Variants in SLC39A8 observed in about 807,000 individuals in gnomAD.
SLC39A8 encodes solute carrier family 39 member 8.
In SLC39A8, 15 loss-of-function variants were observed where a neutral mutation model predicts 40.4. The ratio of observed to expected loss-of-function variants is 0.37; its 90% confidence interval spans 0.25 to 0.57. SLC39A8 has a LOEUF of 0.57. Among genes scored for constraint, SLC39A8 ranks in the 20% least tolerant of loss-of-function variants. The probability of loss-of-function intolerance (pLI) is 0.75; values close to 1 mark genes in which losing one functional copy is unlikely to be tolerated. For missense variants in SLC39A8, 472 were observed against 558.8 expected, an observed-to-expected ratio of 0.84 and a Z score of 1.57; for synonymous variants, 223 against 221.6, an observed-to-expected ratio of 1.01 and a Z score of -0.06.
At chr4:102,304,745 C>A (rs1366657780) in intron 5 of SLC39A8, among the ~76,000 whole-genome samples, 1 of 151,308 alleles carries the variant, frequency 6.6e-6, no homozygotes. Context: ...TTATGCACAT[C>A]TGTTATTCAA....
intron 8 of SLC39A8, among the ~76,000 whole-genome samples, chr4:102,265,177 T>C (rs980357356): frequency 1.3e-5 from 2 of 152,138 alleles, no homozygotes; most frequent in African/African-American, 4.8e-5. Flanking sequence ...AGGCCTTTGA[T>C]TTAATATGAT....
In SLC39A8 at chr4:102,305,127, G is replaced by C; in HGVS notation, c.553-16C>G. On this transcript the variant is annotated splice_polypyrimidine_tract_variant and intron_variant, in intron 4 of 8. Transcript: ENST00000356736. The stretch of plus-strand genomic sequence containing the variant: ...ATCCAAATGCCTAAGGGAGAAAAAA[G>C]GGCAATTCAAGTAAAACCAAGAAAT... 4 of 1,597,164 alleles carry C rather than the reference G, an allele frequency of 2.5e-6. No individual in the cohort carries two copies. Among genetic ancestry groups the C allele is most frequent in the Non-Finnish European group, 3.4e-6 (4 of 1,174,430 alleles).
chr4:102,305,205 A>G, intron 4 of SLC39A8, 94 bp from the exon 5 acceptor site: 1 of 1,290,584 alleles, frequency 7.7e-7, no homozygotes, highest in Non-Finnish European at 1.1e-6. Flanking sequence ...CCAATGTTCT[A>G]AGTCTCTCTT....
chr4:102,345,257 G>T (rs1736126198), intron 1 of SLC39A8, 88 bp downstream of exon 1: 1 of 152,552 alleles, frequency 6.6e-6, no homozygotes, highest in South Asian at 2.1e-4. Context: ...CGGAGTCCTG[G>T]GGATTGCGCG....
chr4:102,255,345 C>A (rs181743411), intron 11 of SLC39A8, among the ~76,000 whole-genome samples: 3 of 152,198 alleles, frequency 2.0e-5, no homozygotes, highest in African/African-American at 7.2e-5. Context: ...ATTGAAGGAA[C>A]TAAAGAAAAA....
intron 6 of SLC39A8, among the ~76,000 whole-genome samples, chr4:102,272,260 C>T (rs547733744): frequency 3.3e-5 from 5 of 151,922 alleles, no homozygotes; most frequent in South Asian, 2.1e-4. Context: ...GGTGAAACCC[C>T]GTCTCTACTA....
chr4:102,304,558 G>T, intron 5 of SLC39A8, 77 bp from the exon 6 acceptor site: 4 of 1,203,802 alleles, frequency 3.3e-6, no homozygotes, highest in Admixed American at 4.9e-5. Context: ...AGAGTTTACT[G>T]CTTTTTATTT....
chr4:102,289,968 AAAG>A (rs1328007614), intron 6 of SLC39A8, among the ~76,000 whole-genome samples: 2 of 152,174 alleles, frequency 1.3e-5, no homozygotes, highest in African/African-American at 4.8e-5. Flanking sequence ...TCCAATGTGG[AAAG>A]AAGTTCTACT....
intron 3 of SLC39A8, among the ~76,000 whole-genome samples, chr4:102,312,903 C>T (rs887049247): frequency 2.6e-5 from 4 of 152,082 alleles, no homozygotes; most frequent in African/African-American, 7.2e-5. Context: ...AGAGTCTGTG[C>T]TTTTACTGTG....
intron 2 of SLC39A8, among the ~76,000 whole-genome samples, chr4:102,330,416 A>G (rs1028891835): frequency 6.6e-6 from 1 of 152,236 alleles, no homozygotes; most frequent in Non-Finnish European, 1.5e-5. Context: ...AAACTTGAAA[A>G]TAAAGAAGAA....
chr4:102,327,400 G>A (rs1463149909), intron 2 of SLC39A8, among the ~76,000 whole-genome samples: 1 of 152,064 alleles, frequency 6.6e-6, no homozygotes, highest in African/African-American at 2.4e-5. Flanking sequence ...GTTATAATCA[G>A]CCTTATATTG....
chr4:102,269,952 G>A (rs1732271195), intron 6 of SLC39A8, among the ~76,000 whole-genome samples: 1 of 152,126 alleles, frequency 6.6e-6, no homozygotes, highest in Non-Finnish European at 1.5e-5. Context: ...TAGCACAGGT[G>A]GATCGGGTAG....
At chr4:102,300,110 A>G (rs1429458779) in intron 6 of SLC39A8, among the ~76,000 whole-genome samples, 1 of 151,780 alleles carries the variant, frequency 6.6e-6, no homozygotes, top group Non-Finnish European at 1.5e-5. Flanking sequence ...CCCCTCTGTG[A>G]CCCCCACTTT....
At chr4:102,269,399 AT>A (rs1160408131) in intron 6 of SLC39A8, among the ~76,000 whole-genome samples, 1 of 152,180 alleles carries the variant, frequency 6.6e-6, no homozygotes, top group South Asian at 2.1e-4. Flanking sequence ...TGGAGCAAAT[AT>A]TTTTTTAATT....
chr4:102,342,809 G>A (rs1560574859), intron 2 of SLC39A8, among the ~76,000 whole-genome samples: 1 of 152,106 alleles, frequency 6.6e-6, no homozygotes, highest in Non-Finnish European at 1.5e-5. Flanking sequence ...GGTGATGTGG[G>A]GAGGTCTTTT....
chr4:102,302,875 A>T (rs2149032039), intron 6 of SLC39A8, among the ~76,000 whole-genome samples: 1 of 152,158 alleles, frequency 6.6e-6, no homozygotes, highest in Non-Finnish European at 1.5e-5. Context: ...GAACATTTCC[A>T]GATTCTTTGC....
chr4:102,276,445 C>T (rs577247036), intron 6 of SLC39A8, among the ~76,000 whole-genome samples: 36 of 152,056 alleles, frequency 2.4e-4, no homozygotes, highest in African/African-American at 8.0e-4. Context: ...AGGAAGAAGT[C>T]GAAACCCTGA....
chr4:102,277,755 C>T (rs1324846159), intron 6 of SLC39A8, among the ~76,000 whole-genome samples: 1 of 152,162 alleles, frequency 6.6e-6, no homozygotes, highest in Non-Finnish European at 1.5e-5. Flanking sequence ...GCTACAGTAA[C>T]CAAGACAGCA....
At chr4:102,333,964 G>A (rs1477495487) in intron 2 of SLC39A8, among the ~76,000 whole-genome samples, 2 of 152,152 alleles carry the variant, frequency 1.3e-5, no homozygotes, top group Admixed American at 6.5e-5. Flanking sequence ...GTTTCAGGTA[G>A]GATGTAATCA....
Sources: allele counts gnomAD v4.1 joint callset (sites outside exome capture counted in the v4.1 genomes callset), GRCh38; gene constraint gnomAD v4.1.1; transcripts MANE v1.5; gene names NCBI Gene and HGNC (gene_info 2026-07-23, HGNC 2026-07-21).